NECAB2: variants seen among roughly 807,000 people sequenced by gnomAD.
The protein encoded by NECAB2 is N-terminal EF-hand calcium-binding protein 2.
In NECAB2, 68 loss-of-function variants were observed where a neutral mutation model predicts 51.9. The observed-to-expected ratio is 1.31, with a 90% CI of 1.08 to 1.60. The LOEUF is 1.60. Among genes scored for constraint, NECAB2 ranks in the 40% most tolerant of loss-of-function variants. NECAB2 has a pLI of 0.00. For missense variants in NECAB2, 854 were observed against 490.3 expected (o/e 1.74, Z -7.00); for synonymous variants, 329 against 203.5 (o/e 1.62, Z -5.25).
At chr16:84,001,276 A>T (rs2151104082) in intron 11 of NECAB2, among the ~76,000 whole-genome samples, 1 of 99,828 alleles carries the variant, frequency 1.0e-5, no homozygotes, top group Middle Eastern at 4.5e-3. Flanking sequence ...CTCAGCACAC[A>T]TCTGGGAGAG....
At chr16:83,983,452 T>C (rs2038302304) in intron 5 of NECAB2, among the ~76,000 whole-genome samples, 2 of 152,228 alleles carry the variant, frequency 1.3e-5, no homozygotes, top group South Asian at 4.1e-4. Flanking sequence ...CTGATTATCA[T>C]ATTAATACCA....
chr16:83,968,595 C>T lies in NECAB2; in HGVS notation c.-54C>T. On this transcript the variant is annotated 5_prime_UTR_variant, in exon 1 of 13. Coordinates refer to ENST00000305202, the MANE Select transcript of NECAB2 (RefSeq NM_019065.3). Reference sequence around the variant, plus strand: ...GGGAGGGGGTCGCGCGGGGGCGGGCCGCAGCTGGGCGGGGGTCGGCGGGCT... The same window carrying T: ...GGGAGGGGGTCGCGCGGGGGCGGGCTGCAGCTGGGCGGGGGTCGGCGGGCT... 1.0e-6 allele frequency: 1 copy of T among 974,962 alleles called. No homozygotes were observed. Among genetic ancestry groups the T allele is most frequent in the South Asian group, 4.6e-5 (1 of 21,880 alleles). 60.4% of individuals were successfully genotyped at this position (974,962 alleles called of 1,614,324 possible).
At chr16:83,981,533 G>C (rs907843592) in intron 5 of NECAB2, among the ~76,000 whole-genome samples, 1 of 152,106 alleles carries the variant, frequency 6.6e-6, no homozygotes, top group Non-Finnish European at 1.5e-5. Flanking sequence ...TCAGGTTCTC[G>C]ATGCTCAGCA....
intron 5 of NECAB2, among the ~76,000 whole-genome samples, chr16:83,988,630 C>G (rs1048962159): frequency 1.3e-5 from 2 of 152,156 alleles, no homozygotes; most frequent in Non-Finnish European, 2.9e-5. Context: ...CTAATTCAAG[C>G]CCAAGTGACT....
intron 3 of NECAB2, 46 bp downstream of exon 3, chr16:83,978,598 T>C (rs983334790): frequency 4.7e-6 from 7 of 1,482,000 alleles, no homozygotes; most frequent in Non-Finnish European, 5.6e-6. Context: ...GTGTGGGCTG[T>C]GGTGGAGGCA....
Position 84,000,799 on chromosome 16 carries a change from G to T in NECAB2, c.1038G>T (p.Lys346Asn), listed in dbSNP as rs751914092. The change falls in exon 11 of 13, where the codon AAG becomes AAT. Residue 346 changes from lysine to asparagine, a missense_variant and splice_region_variant. Coordinates refer to ENST00000305202, the MANE Select transcript of NECAB2 (RefSeq NM_019065.3). ...TCTGGGAGACAGAGGAGGCGTGGAA[G>T]AGGTGAGATGCTGGGTCCCCACAGC... The part of the protein sequence containing the change: ...YEFWETEEAW[K>N]RHLQSPLCKA... The T allele has an allele frequency of 6.2e-7, 1 of 1,613,586 alleles. No individual in the cohort carries two copies. The highest frequency in any genetic ancestry group is 2.2e-5 in the East Asian group (1 of 44,878).
intron 8 of NECAB2, among the ~76,000 whole-genome samples, chr16:83,995,413 A>AC (rs1440392304): frequency 6.6e-6 from 1 of 151,870 alleles, no homozygotes; most frequent in Non-Finnish European, 1.5e-5. Flanking sequence ...GGAGCATGGG[A>AC]CCCCTCCCTC....
At chr16:83,984,254 C>G (rs1020754425) in intron 5 of NECAB2, among the ~76,000 whole-genome samples, 2 of 151,856 alleles carry the variant, frequency 1.3e-5, no homozygotes, top group African/African-American at 4.8e-5. Flanking sequence ...CTCGGCCTCC[C>G]AAAGTGCTGG....
chr16:83,971,988 C>G (rs1007243458), intron 1 of NECAB2, 163 bp from the exon 2 acceptor site: 3 of 939,950 alleles, frequency 3.2e-6, no homozygotes, highest in Admixed American at 4.6e-5. Flanking sequence ...ATCAGTTCCC[C>G]CTGGATCCCA....
At chr16:84,001,403 G>A (rs1030648279) in intron 11 of NECAB2, among the ~76,000 whole-genome samples, 1 of 152,140 alleles carries the variant, frequency 6.6e-6, no homozygotes, top group African/African-American at 2.4e-5. Context: ...GACAAACTCA[G>A]GACCCCAGTG....
rs367561573 is a variant in NECAB2 at position 84,000,871 on chromosome 16, A to G, written c.1040+70A>G. The G allele has an allele frequency of 7.3e-5, 110 of 1,507,188 alleles. No individual in the cohort carries two copies. In the Admixed American group the frequency reaches 1.6e-3, roughly 21 times the overall value. The allele number at this position is 1,507,188 out of a possible 1,614,324, so 93.4% of individuals were successfully genotyped here. On this transcript the variant is annotated intron_variant, in intron 11 of 12. Transcript: ENST00000305202. ...GTGGGGGGGCTGTCTTCCTGGAGCC[A>G]GGCATCCTTGGAGGGGAGGGTAAGG...
At chr16:83,967,526 T>G (rs1366782896), upstream of NECAB2, among the ~76,000 whole-genome samples, 5 of 82,188 alleles carry the variant, frequency 6.1e-5, no homozygotes, top group Non-Finnish European at 9.6e-5. Context: ...GATGGATGGA[T>G]GGATGGGAGG....
At chr16:83,966,021 C>G, upstream of NECAB2, 1 of 1,505,120 alleles carries the variant, frequency 6.6e-7, no homozygotes, top group Non-Finnish European at 8.9e-7. Flanking sequence ...TCGGCCAGAC[C>G]CGCTGGCTCC....
intron 2 of NECAB2, among the ~76,000 whole-genome samples, chr16:83,974,654 C>G (rs1344835251): frequency 2.0e-5 from 3 of 152,200 alleles, no homozygotes; most frequent in African/African-American, 7.2e-5. Context: ...TCGGAGATGG[C>G]ACGTGATATT....
upstream of NECAB2, among the ~76,000 whole-genome samples, chr16:83,967,060 C>T (rs142941310): frequency 3.5e-3 from 535 of 152,178 alleles, 3 homozygotes; most frequent in East Asian, 0.018. Context: ...TTAATAGAGA[C>T]GGGGTTTCAC....
In NECAB2 at chr16:84,002,552, T is replaced by C. The variant is rs1489834375; in HGVS notation, c.*206T>C. On this transcript the variant is annotated 3_prime_UTR_variant, in exon 13 of 13. Coordinates refer to ENST00000305202, the MANE Select transcript of NECAB2 (RefSeq NM_019065.3). ...CAGTGTCTGTGCTGCCAGGTCCTGG[T>C]GAAGCCCAAGGTTGAAGGGGGCGGC... The C allele has an allele frequency of 1.3e-5, 9 of 667,048 alleles. No individual in the cohort carries two copies. Among genetic ancestry groups the C allele is most frequent in the Non-Finnish European group, 2.3e-5 (9 of 392,052 alleles). The allele number at this position is 667,048 out of a possible 1,614,324, so 41.3% of individuals were successfully genotyped here. A position where few individuals can be genotyped will look rare whatever the true frequency, so the allele number is the denominator to read the frequency against.
upstream of NECAB2, chr16:83,965,947 G>A (rs1372623172): frequency 1.2e-6 from 2 of 1,611,066 alleles, no homozygotes; most frequent in Admixed American, 3.3e-5. Context: ...GGTTTGTGCA[G>A]GGGGGCGCCT....
intron 6 of NECAB2, among the ~76,000 whole-genome samples, chr16:83,991,205 A>G (rs952365278): frequency 6.8e-6 from 1 of 147,804 alleles, no homozygotes; most frequent in Non-Finnish European, 1.5e-5. Context: ...CTGGTCTTGA[A>G]CTCCTGGCCT....
intron 1 of NECAB2, chr16:83,971,707 G>C: frequency 5.1e-6 from 1 of 195,670 alleles, no homozygotes; most frequent in Non-Finnish European, 1.0e-5. Context: ...GTCGGACTTT[G>C]CCCAACCTCC....
Sources: gnomAD v4.1 joint callset for allele counts (sites outside exome capture counted in the v4.1 genomes callset) on GRCh38, gnomAD v4.1.1 for gene constraint, MANE v1.5 for transcripts, NCBI Gene and HGNC (gene_info 2026-07-23, HGNC 2026-07-21) for gene names.